The following ZNF215 variants were observed in gnomAD, a reference collection of about 807,000 sequenced individuals.
ZNF215 encodes zinc finger protein 215, also known as BWSCR2-associated zinc finger protein 2.
A neutral mutation model predicts 27.2 loss-of-function variants in ZNF215; 24 were observed. The observed-to-expected ratio is 0.88, with a 90% CI of 0.64 to 1.24. The LOEUF is 1.24. Ranked by LOEUF, ZNF215 falls within the 50% of genes most tolerant of loss-of-function variation. The probability of loss-of-function intolerance (pLI) is 0.00; values close to 1 mark genes in which losing one functional copy is unlikely to be tolerated. For missense variants in ZNF215, 675 were observed against 605.7 expected (o/e 1.11, Z -1.20); for synonymous variants, 210 against 204.0 (o/e 1.03, Z -0.25).
chr11:6,932,834 G>A (rs1384077808), intron 3 of ZNF215, among the ~76,000 whole-genome samples, 162 bp downstream of exon 3: 1 of 152,178 alleles, frequency 6.6e-6, no homozygotes, highest in Non-Finnish European at 1.5e-5. Context: ...TAGAAATAGA[G>A]AATTAGATCT....
chr11:6,955,587 A>G, intron 6 of ZNF215, 103 bp from the exon 7 acceptor site: 1 of 1,212,704 alleles, frequency 8.2e-7, no homozygotes, highest in Admixed American at 2.8e-5. Flanking sequence ...TCCATTCTGT[A>G]TTTAAGACCC....
At chr11:6,984,598 A>G (rs1851024668) in exon 6 of ZNF215, 1 of 152,234 alleles carries the variant, frequency 6.6e-6, no homozygotes, top group Non-Finnish European at 1.5e-5. Flanking sequence ...TATTGTGCAT[A>G]TACTGAAATA....
intron 5 of ZNF215, among the ~76,000 whole-genome samples, chr11:6,975,927 T>G (rs1202550630): frequency 6.6e-6 from 1 of 152,134 alleles, no homozygotes; most frequent in African/African-American, 2.4e-5. Flanking sequence ...ACCTCCAAAC[T>G]GTTCTTCATA....
At chr11:6,977,453 G>A (rs1051455733) in intron 5 of ZNF215, among the ~76,000 whole-genome samples, 1 of 151,956 alleles carries the variant, frequency 6.6e-6, no homozygotes, top group African/African-American at 2.4e-5. Flanking sequence ...TATCCACTGG[G>A]GGTGTTGGAA....
chr11:6,989,107 G>T (rs1185863674), downstream of ZNF215, among the ~76,000 whole-genome samples: 3 of 123,822 alleles, frequency 2.4e-5, no homozygotes, highest in African/African-American at 3.2e-5. Flanking sequence ...AGTGAGCCCA[G>T]ATCGTGCCAA....
chr11:6,979,446 G>GT (rs1048851697), intron 5 of ZNF215, among the ~76,000 whole-genome samples: 12 of 151,866 alleles, frequency 7.9e-5, no homozygotes, highest in South Asian at 4.1e-4. Flanking sequence ...TGGACACTGC[G>GT]TTTTTTCTGT....
At chr11:6,940,428 C>T (rs1849595709) in intron 3 of ZNF215, among the ~76,000 whole-genome samples, 1 of 152,062 alleles carries the variant, frequency 6.6e-6, no homozygotes, top group South Asian at 2.1e-4. Context: ...CGTCAGCCTC[C>T]CAAGTAGATG....
rs899701631 is a variant in ZNF215, at chr11:6,955,847, T to C, written c.870T>C (p.Ile290=). The stretch of plus-strand genomic sequence containing the variant: ...TAAATTTGCCACAAGAGGCTTTCAT[T>C]CCTGAGACAATTTACACTGAGGAGG... ...WDINLPQEAF[I]PETIYTEEED... is the part of the protein sequence containing the mutation. The change falls in exon 7 of 7, where the codon ATT becomes ATC. Residue 290 remains isoleucine, a synonymous_variant. Transcript: ENST00000278319. The C allele has an allele frequency of 1.9e-6, 3 of 1,613,262 alleles. No individual in the cohort carries two copies. Among genetic ancestry groups the C allele is most frequent in the Non-Finnish European group, 2.5e-6 (3 of 1,179,884 alleles).
chr11:6,981,685 A>G (rs1470379136), intron 5 of ZNF215, among the ~76,000 whole-genome samples: 1 of 152,186 alleles, frequency 6.6e-6, no homozygotes, highest in Non-Finnish European at 1.5e-5. Context: ...GTCCTTGCCC[A>G]TGCCTATGTC....
At chr11:6,943,797 T>C (rs1320711502) in intron 6 of ZNF215, among the ~76,000 whole-genome samples, 156 bp downstream of exon 6, 2 of 152,152 alleles carry the variant, frequency 1.3e-5, no homozygotes, top group African/African-American at 4.8e-5. Context: ...TGTTCACAGG[T>C]TCTTTTTCTT....
chr11:6,957,807 A>G lies in ZNF215; in HGVS notation c.*1276A>G. The G allele has an allele frequency of 3.0e-6, 3 of 985,406 alleles. No homozygotes were observed. The highest frequency in any genetic ancestry group is 3.6e-6 in the Non-Finnish European group (3 of 829,910). 61.0% of individuals were successfully genotyped at this position (985,406 alleles called of 1,614,324 possible). On this transcript the variant is annotated 3_prime_UTR_variant, in exon 7 of 7. Coordinates refer to ENST00000278319, the MANE Select transcript of ZNF215 (RefSeq NM_013250.4). ...CTTAGGTATATCATTTATACCAGAC[A>G]TTATGAAGTTATTAAAGTCTCCTAT... is the stretch of plus-strand genomic sequence containing the variant.
Position 6,932,570 on chromosome 11 carries a change from C to G in ZNF215, c.298C>G (p.Leu100Val), listed in dbSNP as rs149490987. 21 of 1,614,028 alleles carry G rather than the reference C, an allele frequency of 1.3e-5. No individual in the cohort carries two copies. Among genetic ancestry groups the G allele is most frequent in the Admixed American group, 1.7e-5 (1 of 59,998 alleles). ...GGTGCTGGAACAATTCCTGGCAATCCTGCCTGAAGAAGTCAGGACTTGGGT... is the reference window on the plus strand; with the variant it reads ...GGTGCTGGAACAATTCCTGGCAATCGTGCCTGAAGAAGTCAGGACTTGGGT... The part of the protein sequence containing the change: ...LLVLEQFLAI[L>V]PEEVRTWVNL... The change falls in exon 3 of 7, where the codon CTG becomes GTG. Residue 100 changes from leucine to valine, a missense_variant. Leu to Val is a conservative substitution (Grantham distance 32). Coordinates refer to ENST00000278319, the MANE Select transcript of ZNF215 (RefSeq NM_013250.4).
At position 6,955,887 on chromosome 11, in the gene ZNF215, A is replaced by T; in HGVS notation, c.910A>T (p.Ser304Cys). The T allele has an allele frequency of 6.2e-7, 1 of 1,610,028 alleles. No individual in the cohort carries two copies. The highest frequency in any genetic ancestry group is 8.5e-7 in the Non-Finnish European group (1 of 1,178,928). Reference sequence around the variant, plus strand: ...CACTGAGGAGGAAGATTTTGAATGTAGTGAAAATAAGAAAAGCTTTGATAT... The same window carrying T: ...CACTGAGGAGGAAGATTTTGAATGTTGTGAAAATAAGAAAAGCTTTGATAT... ...IYTEEEDFEC[S>C]ENKKSFDINS... Residue 304 changes from serine to cysteine, a missense_variant, in exon 7 of 7, where the codon AGT (serine) becomes TGT (cysteine). By Grantham distance (112) the Ser-to-Cys change is moderately radical (BLOSUM62 -1). Transcript: ENST00000278319.
chr11:6,932,606 C>T lies in ZNF215; in HGVS notation c.334C>T (p.His112Tyr), dbSNP rs1849304680. The change falls in exon 3 of 7, where the codon CAT becomes TAT. Residue 112 changes from histidine to tyrosine, a missense_variant. Coordinates refer to ENST00000278319, the MANE Select transcript of ZNF215 (RefSeq NM_013250.4). ...AGTCAGGACTTGGGTGAATTTACAACATCCAAACAACAGTAAAGATATGGT... is the reference window on the plus strand; with the variant it reads ...AGTCAGGACTTGGGTGAATTTACAATATCCAAACAACAGTAAAGATATGGT... ...EEVRTWVNLQ[H>Y]PNNSKDMVTL... 1 of 1,614,162 alleles carries T rather than the reference C, an allele frequency of 6.2e-7. No individual in the cohort carries two copies. Among genetic ancestry groups the T allele is most frequent in the Non-Finnish European group, 8.5e-7 (1 of 1,180,008 alleles).
downstream of ZNF215, among the ~76,000 whole-genome samples, chr11:6,993,196 C>T (rs538018252): frequency 7.2e-5 from 11 of 152,278 alleles, no homozygotes; most frequent in African/African-American, 2.2e-4. Context: ...TCCTCCATTT[C>T]GTTTCTGAGG....
In ZNF215 at chr11:6,932,386, C is replaced by T. The variant is rs137994956; in HGVS notation, c.114C>T (p.Val38=). The T allele has an allele frequency of 9.3e-6, 15 of 1,614,020 alleles. No homozygotes were observed. The highest frequency in any genetic ancestry group is 2.2e-5 in the East Asian group (1 of 44,896). Residue 38 remains valine, a synonymous_variant, in exon 3 of 7, where the codon GTC becomes GTT. Coordinates refer to ENST00000278319, the MANE Select transcript of ZNF215 (RefSeq NM_013250.4). ...CTTGGCAGCAGGAAACCAACCCCGTCGTGGAGACACATGACTCTGAGGCAT... is the reference window on the plus strand; with the variant it reads ...CTTGGCAGCAGGAAACCAACCCCGTTGTGGAGACACATGACTCTGAGGCAT... ...DMSWQQETNP[V]VETHDSEASR...
At chr11:6,938,958 T>A (rs1849536727) in intron 3 of ZNF215, among the ~76,000 whole-genome samples, 1 of 152,158 alleles carries the variant, frequency 6.6e-6, no homozygotes, top group Non-Finnish European at 1.5e-5. Flanking sequence ...GTGACTTCAC[T>A]AGAGCCACGA....
chr11:6,948,202 CT>C (rs1849894101), intron 6 of ZNF215, among the ~76,000 whole-genome samples: 1 of 152,166 alleles, frequency 6.6e-6, no homozygotes, highest in African/African-American at 2.4e-5. Flanking sequence ...TATTTGTGTT[CT>C]TCTCCCTTGC....
In ZNF215 at chr11:6,956,914, G is replaced by T; in HGVS notation, c.*383G>T. The T allele has an allele frequency of 1.0e-6, 1 of 994,790 alleles. No individual in the cohort carries two copies. Among genetic ancestry groups the T allele is most frequent in the Non-Finnish European group, 1.2e-6 (1 of 835,676 alleles). The allele number at this position is 994,790 out of a possible 1,614,324, so 61.6% of individuals were successfully genotyped here. ...AAAGCCAAACAATACTCTTGGAGTT[G>T]ATATTTAATAAAACTCAGCCCTTTT... On this transcript the variant is annotated 3_prime_UTR_variant, in exon 7 of 7. Transcript: ENST00000278319.
Sources: allele counts gnomAD v4.1 joint callset (sites outside exome capture counted in the v4.1 genomes callset), GRCh38; gene constraint gnomAD v4.1.1; transcripts MANE v1.5; gene names NCBI Gene and HGNC (gene_info 2026-07-23, HGNC 2026-07-21).